PHF21A: variants seen among roughly 807,000 people sequenced by gnomAD.
The protein encoded by PHF21A is BHC80a.
A neutral mutation model predicts 82.5 loss-of-function variants in PHF21A; 11 were observed. The observed-to-expected ratio is 0.13, with a 90% CI of 0.08 to 0.22. The LOEUF (loss-of-function observed/expected upper bound fraction) is 0.22. PHF21A is among the 10% of genes least tolerant of loss of function. The probability of loss-of-function intolerance (pLI) is 1.00; values close to 1 mark genes in which losing one functional copy is unlikely to be tolerated. For missense variants in PHF21A, 579 were observed against 837.8 expected, an observed-to-expected ratio of 0.69 and a Z score of 3.81; for synonymous variants, 297 against 302.8, an observed-to-expected ratio of 0.98 and a Z score of 0.20.
intron 6 of PHF21A, among the ~76,000 whole-genome samples, chr11:46,051,720 G>C (rs1474380219): frequency 6.6e-6 from 1 of 152,160 alleles, no homozygotes; most frequent in Non-Finnish European, 1.5e-5. Context: ...GAGGACACTG[G>C]TCTCTGCTAC....
chr11:45,978,512 C>A (rs1449040103), intron 7 of PHF21A, among the ~76,000 whole-genome samples: 1 of 152,144 alleles, frequency 6.6e-6, no homozygotes, highest in Non-Finnish European at 1.5e-5. Flanking sequence ...ATGAACCAGT[C>A]CAATGTCCAT....
chr11:46,070,556 C>T (rs1010291381), intron 6 of PHF21A, among the ~76,000 whole-genome samples: 1 of 152,128 alleles, frequency 6.6e-6, no homozygotes, highest in Non-Finnish European at 1.5e-5. Context: ...GTCTTGAACT[C>T]CTGATCTCAG....
chr11:45,988,391 T>C (rs2094567177), intron 6 of PHF21A, among the ~76,000 whole-genome samples: 1 of 152,240 alleles, frequency 6.6e-6, no homozygotes, highest in African/African-American at 2.4e-5. Context: ...GTATATATCA[T>C]GTAGAAAATA....
intron 6 of PHF21A, among the ~76,000 whole-genome samples, chr11:46,063,238 A>T (rs1415321318): frequency 6.6e-6 from 1 of 152,214 alleles, no homozygotes; most frequent in Non-Finnish European, 1.5e-5. Flanking sequence ...TATACACCAT[A>T]TACCCTGTTT....
intron 8 of PHF21A, 23 bp downstream of exon 8, chr11:45,971,093 A>G (rs971078891): frequency 3.1e-6 from 5 of 1,613,434 alleles, no homozygotes; most frequent in Admixed American, 1.7e-5. Context: ...GTGATCACAC[A>G]TGAGGAGCAG....
chr11:46,094,377 ATTTC>A (rs2096964814), intron 1 of PHF21A, among the ~76,000 whole-genome samples: 1 of 152,146 alleles, frequency 6.6e-6, no homozygotes, highest in South Asian at 2.1e-4. Flanking sequence ...AAGTTAAGTG[ATTTC>A]CCCAAAGGTC....
intron 6 of PHF21A, among the ~76,000 whole-genome samples, chr11:46,061,107 T>C (rs1386703861): frequency 1.3e-5 from 2 of 152,232 alleles, no homozygotes; most frequent in African/African-American, 4.8e-5. Context: ...TTGTCAAAGA[T>C]CAGGTAGCTG....
intron 6 of PHF21A, among the ~76,000 whole-genome samples, chr11:46,016,438 T>C (rs1209649317): frequency 1.3e-5 from 2 of 152,190 alleles, no homozygotes; most frequent in Non-Finnish European, 2.9e-5. Flanking sequence ...TGCTTTTTCC[T>C]GCCTCTGTAC....
intron 6 of PHF21A, among the ~76,000 whole-genome samples, chr11:45,982,714 G>A (rs949972057): frequency 2.0e-5 from 3 of 151,978 alleles, no homozygotes; most frequent in African/African-American, 4.8e-5. Context: ...ACATATTAAC[G>A]AACTAGCTAA....
intron 5 of PHF21A, among the ~76,000 whole-genome samples, chr11:46,078,636 G>C (rs2096756201): frequency 6.6e-6 from 1 of 151,962 alleles, no homozygotes; most frequent in South Asian, 2.1e-4. Flanking sequence ...TCCTTTAAGG[G>C]TTCTTTCAAA....
chr11:46,011,185 G>A (rs901273860), intron 6 of PHF21A, among the ~76,000 whole-genome samples: 5 of 152,040 alleles, frequency 3.3e-5, no homozygotes, highest in Non-Finnish European at 7.4e-5. Flanking sequence ...CTAGTGGTAG[G>A]GTGTATAAAA....
intron 6 of PHF21A, among the ~76,000 whole-genome samples, chr11:45,989,112 A>G (rs2094589667): frequency 6.6e-6 from 1 of 152,192 alleles, no homozygotes; most frequent in South Asian, 2.1e-4. Flanking sequence ...ATAATTACTG[A>G]TTAACTTCAT....
At chr11:46,023,994 A>G (rs1391969719) in intron 6 of PHF21A, among the ~76,000 whole-genome samples, 1 of 150,854 alleles carries the variant, frequency 6.6e-6, no homozygotes, top group Non-Finnish European at 1.5e-5. Context: ...AATGGCATAG[A>G]GCATGTAGCA....
intron 6 of PHF21A, among the ~76,000 whole-genome samples, chr11:46,034,216 C>T (rs570083204): frequency 1.4e-5 from 2 of 142,792 alleles, no homozygotes; most frequent in East Asian, 6.7e-4. Flanking sequence ...AATATTAGTG[C>T]CCCCACCCCC....
intron 6 of PHF21A, among the ~76,000 whole-genome samples, chr11:46,020,552 G>A (rs1216903979): frequency 1.3e-5 from 2 of 152,136 alleles, no homozygotes; most frequent in African/African-American, 2.4e-5. Context: ...CTTCCCTTGC[G>A]TCTAACACCA....
At chr11:45,984,618 T>C (rs918514546) in intron 6 of PHF21A, among the ~76,000 whole-genome samples, 3 of 152,204 alleles carry the variant, frequency 2.0e-5, no homozygotes, top group Non-Finnish European at 4.4e-5. Context: ...TCACGTTCCA[T>C]GGCTTTTGTC....
At position 45,968,847 on chromosome 11, in the gene PHF21A, CT is replaced by C. The variant is rs1053255892; in HGVS notation, c.702+967del. Among the ~76,000 whole-genome samples the C allele has an allele frequency of 6.1e-4, 90 of 148,268 alleles. 1 individual carries two copies. Among genetic ancestry groups the C allele is most frequent in the African/African-American group, 2.2e-3 (89 of 40,198 alleles). ...TTGGAAGGCTGAGGAAGGAGAATCG[CT>C]TGAACCTGGTGGGTGGAGATTGCAG... On this transcript the variant is annotated intron_variant, in intron 9 of 18. Transcript: ENST00000676320.
At chr11:46,114,447 A>G (rs2097263076) in intron 1 of PHF21A, among the ~76,000 whole-genome samples, 1 of 152,238 alleles carries the variant, frequency 6.6e-6, no homozygotes, top group Admixed American at 6.5e-5. Context: ...CCTAACAAGG[A>G]AAGATAAGCT....
At chr11:46,113,635 C>G (rs1024077831) in intron 1 of PHF21A, among the ~76,000 whole-genome samples, 1 of 151,996 alleles carries the variant, frequency 6.6e-6, no homozygotes, top group Non-Finnish European at 1.5e-5. Flanking sequence ...CGAGACCATC[C>G]TGGCCAACAT....
Sources: allele counts gnomAD v4.1 joint callset (sites outside exome capture counted in the v4.1 genomes callset), GRCh38; gene constraint gnomAD v4.1.1; transcripts MANE v1.5; gene names NCBI Gene and HGNC (gene_info 2026-07-23, HGNC 2026-07-21).